The following PRICKLE2 variants were observed in gnomAD, a reference collection of about 807,000 sequenced individuals.
PRICKLE2 encodes prickle-like protein 2.
In PRICKLE2, 21 loss-of-function variants were observed where a neutral mutation model predicts 81.4. That is an observed-to-expected ratio of 0.26 (90% confidence interval 0.18 to 0.37). The LOEUF (loss-of-function observed/expected upper bound fraction) is 0.37. PRICKLE2 is among the 10% of genes least tolerant of loss of function. The probability of loss-of-function intolerance (pLI) is 1.00; values close to 1 mark genes in which losing one functional copy is unlikely to be tolerated. For synonymous variants in PRICKLE2, 456 were observed against 421.5 expected, an observed-to-expected ratio of 1.08 and a Z score of -1.00; for missense variants, 940 against 1,109.0, an observed-to-expected ratio of 0.85 and a Z score of 2.16.
intron 6 of PRICKLE2, among the ~76,000 whole-genome samples, chr3:64,148,647 C>A (rs1029461776): frequency 2.6e-5 from 4 of 152,148 alleles, no homozygotes; most frequent in African/African-American, 7.2e-5. Flanking sequence ...GGAGATGGAG[C>A]TTTTTGGGAG....
chr3:64,197,218 C>T (rs993728904), intron 2 of PRICKLE2, among the ~76,000 whole-genome samples: 2 of 152,164 alleles, frequency 1.3e-5, no homozygotes, highest in Non-Finnish European at 2.9e-5. Flanking sequence ...CTGCAATGAA[C>T]ATACGTGTGC....
At chr3:64,170,613 A>G (rs2077911909) in intron 2 of PRICKLE2, among the ~76,000 whole-genome samples, 1 of 151,604 alleles carries the variant, frequency 6.6e-6, no homozygotes, top group Non-Finnish European at 1.5e-5. Context: ...CAATCCCAGC[A>G]CTTTGGGAGG....
intron 2 of PRICKLE2, among the ~76,000 whole-genome samples, chr3:64,251,756 C>T (rs1188346252): frequency 6.6e-6 from 1 of 152,202 alleles, no homozygotes; most frequent in African/African-American, 2.4e-5. Context: ...ATCTGGGCCC[C>T]TTGATCCAGA....
At position 64,098,704 on chromosome 3, in the gene PRICKLE2, G is replaced by C. The variant is rs1490964734; in HGVS notation, c.*347C>G. Reference sequence around the variant, plus strand: ...ATAAACAAATTACTTACTGAAAAAAGGGTCCTAAAAGTAAGAGAACCAGAG... The same window carrying C: ...ATAAACAAATTACTTACTGAAAAAACGGTCCTAAAAGTAAGAGAACCAGAG... On this transcript the variant is annotated 3_prime_UTR_variant, in exon 8 of 8. Coordinates refer to ENST00000638394, the MANE Select transcript of PRICKLE2 (RefSeq NM_198859.4). 2 of 267,566 alleles carry C rather than the reference G, an allele frequency of 7.5e-6. No homozygotes were observed. The highest frequency in any genetic ancestry group is 1.7e-4 in the East Asian group (2 of 11,872). 16.6% of individuals were successfully genotyped at this position (267,566 alleles called of 1,614,324 possible).
At chr3:64,211,132 C>T (rs1345221698) in intron 1 of PRICKLE2, among the ~76,000 whole-genome samples, 1 of 152,176 alleles carries the variant, frequency 6.6e-6, no homozygotes, top group East Asian at 1.9e-4. Flanking sequence ...AAGACCACTC[C>T]TTGGTGCTCT....
intron 2 of PRICKLE2, among the ~76,000 whole-genome samples, chr3:64,242,794 C>A (rs928307502): frequency 1.3e-5 from 2 of 152,202 alleles, no homozygotes; most frequent in Non-Finnish European, 1.5e-5. Flanking sequence ...GTGCACCCTG[C>A]CAGCATTAAT....
chr3:64,241,073 C>G (rs887983307), intron 2 of PRICKLE2, among the ~76,000 whole-genome samples: 8 of 152,214 alleles, frequency 5.3e-5, no homozygotes, highest in Admixed American at 2.0e-4. Context: ...GCCACTTAGT[C>G]TCTGTCACAA....
intron 1 of PRICKLE2, among the ~76,000 whole-genome samples, chr3:64,218,108 A>G (rs1176523665): frequency 6.6e-6 from 1 of 152,162 alleles, no homozygotes; most frequent in African/African-American, 2.4e-5. Context: ...ATGAACTGGG[A>G]TTTAATTTAA....
At chr3:64,171,003 C>T (rs1448003252) in intron 2 of PRICKLE2, among the ~76,000 whole-genome samples, 3 of 152,210 alleles carry the variant, frequency 2.0e-5, no homozygotes, top group African/African-American at 7.2e-5. Flanking sequence ...CCTCCCCACT[C>T]CTTACAACCT....
rs1432648832 is a variant in PRICKLE2 at position 64,094,652 on chromosome 3, A to G, written c.*4399T>C. 1.3e-5 allele frequency: 2 copies of G among 152,420 alleles called. No individual in the cohort carries two copies. The highest frequency in any genetic ancestry group is 3.9e-4 in the East Asian group (2 of 5,184). 9.4% of individuals were successfully genotyped at this position (152,420 alleles called of 1,614,324 possible). On this transcript the variant is annotated 3_prime_UTR_variant, in exon 8 of 8. Transcript: ENST00000638394. The stretch of plus-strand genomic sequence containing the variant: ...ACTATTATGAGAAAATGGAAAAAGA[A>G]TCCAATTTTTTCTTGATCTTTACTT...
At chr3:64,208,890 C>G (rs1336144610) in intron 1 of PRICKLE2, among the ~76,000 whole-genome samples, 1 of 152,148 alleles carries the variant, frequency 6.6e-6, no homozygotes, top group Non-Finnish European at 1.5e-5. Context: ...TTCTCTTATT[C>G]CATCCATATC....
intron 1 of PRICKLE2, among the ~76,000 whole-genome samples, chr3:64,219,190 A>C (rs1170067368): frequency 1.3e-5 from 2 of 151,748 alleles, no homozygotes; most frequent in Non-Finnish European, 2.9e-5. Context: ...TGCAAATTAC[A>C]CTCCTTCCCT....
chr3:64,252,404 C>T (rs545220455), intron 2 of PRICKLE2, among the ~76,000 whole-genome samples: 1 of 152,284 alleles, frequency 6.6e-6, no homozygotes, highest in African/African-American at 2.4e-5. Flanking sequence ...CCCTCTACAT[C>T]CCTTGGGTGA....
chr3:64,127,107 GAACA>G (rs372897314), intron 7 of PRICKLE2, among the ~76,000 whole-genome samples: 48 of 152,144 alleles, frequency 3.2e-4, no homozygotes, highest in African/African-American at 1.1e-3. Context: ...GCAATAAACA[GAACA>G]AATAAGTAAA....
intron 2 of PRICKLE2, among the ~76,000 whole-genome samples, chr3:64,248,262 C>G (rs1031682266): frequency 1.3e-5 from 2 of 152,162 alleles, no homozygotes; most frequent in Non-Finnish European, 2.9e-5. Flanking sequence ...CTCTTCAATG[C>G]TCCTTATTCA....
At chr3:64,238,938 C>A (rs2079221411) in intron 2 of PRICKLE2, among the ~76,000 whole-genome samples, 2 of 151,840 alleles carry the variant, frequency 1.3e-5, no homozygotes, top group Admixed American at 6.6e-5. Flanking sequence ...GCCCACCCAA[C>A]CCAAGCCCAT....
chr3:64,204,762 CT>C (rs1261528332), intron 1 of PRICKLE2, among the ~76,000 whole-genome samples: 1 of 152,158 alleles, frequency 6.6e-6, no homozygotes, highest in Non-Finnish European at 1.5e-5. Flanking sequence ...AGACATTTTT[CT>C]TTGTAAAGAA....
chr3:64,261,578 G>A (rs1241257259), intron 2 of PRICKLE2, among the ~76,000 whole-genome samples: 1 of 152,128 alleles, frequency 6.6e-6, no homozygotes, highest in Non-Finnish European at 1.5e-5. Flanking sequence ...GGCTAGGCAG[G>A]AAGTTCTCTT....
chr3:64,156,031 A>G (rs2077630641), intron 5 of PRICKLE2, among the ~76,000 whole-genome samples: 2 of 152,240 alleles, frequency 1.3e-5, no homozygotes, highest in African/African-American at 4.8e-5. Flanking sequence ...TTATATCTCA[A>G]TAAACAAATT....
Sources: gnomAD v4.1 joint callset for allele counts (sites outside exome capture counted in the v4.1 genomes callset) on GRCh38, gnomAD v4.1.1 for gene constraint, MANE v1.5 for transcripts, NCBI Gene and HGNC (gene_info 2026-07-23, HGNC 2026-07-21) for gene names.